Variants in ZDHHC15 observed in about 807,000 individuals in gnomAD.
The protein encoded by ZDHHC15 is zDHHC palmitoyltransferase 15.
In ZDHHC15, 19 loss-of-function variants were observed where a neutral mutation model predicts 31.7. The observed-to-expected ratio is 0.60, with a 90% CI of 0.42 to 0.88. The LOEUF is 0.88. Among genes scored for constraint, ZDHHC15 ranks in the 40% least tolerant of loss-of-function variants. The pLI is 0.00. For missense variants in ZDHHC15, 209 were observed against 251.2 expected (o/e 0.83, Z 1.14); for synonymous variants, 103 against 90.0 (o/e 1.14, Z -0.82).
intron 6 of ZDHHC15, 51 bp downstream of exon 6, chrX:75,429,897 T>C (rs780071775): frequency 8.7e-6 from 10 of 1,151,361 alleles, no homozygotes; most frequent in Non-Finnish European, 1.1e-5. Context: ...GTGCATATAA[T>C]TGAGCAACTT....
chrX:75,493,148 C>A (rs771742083), intron 2 of ZDHHC15, among the ~76,000 whole-genome samples: 5 of 111,883 alleles, frequency 4.5e-5, no homozygotes, highest in Non-Finnish European at 9.4e-5. Context: ...GAGAATACTA[C>A]AAACACCTCT....
chrX:75,451,665 A>G (rs1414206659), intron 3 of ZDHHC15, among the ~76,000 whole-genome samples: 1 of 112,209 alleles, frequency 8.9e-6, no homozygotes, highest in African/African-American at 3.2e-5. Context: ...ATAGAAAATC[A>G]CTTTGCAAAA....
At position 75,379,199 on chromosome X, in the gene ZDHHC15, C is replaced by G; in HGVS notation, c.968-1G>C. The G allele has an allele frequency of 8.3e-7, 1 of 1,210,954 alleles. No individual in the cohort carries two copies. The highest frequency in any genetic ancestry group is 1.1e-6 in the Non-Finnish European group (1 of 895,067). ...AGAGATGATGAGCCTTCTGGATAAT[C>G]TGCAAGGTTGAAACGTGAAGATGAT... On this transcript the variant is annotated splice_acceptor_variant, in intron 10 of 11. Coordinates refer to ENST00000373367, the MANE Select transcript of ZDHHC15 (RefSeq NM_144969.3). LOFTEE classifies it high-confidence loss of function.
chrX:75,472,044 G>C (rs965217913), intron 3 of ZDHHC15, among the ~76,000 whole-genome samples: 5 of 111,867 alleles, frequency 4.5e-5, no homozygotes, highest in African/African-American at 1.3e-4. Flanking sequence ...CCATAAAGTT[G>C]GTTGTGCACA....
At chrX:75,445,231 T>C (rs1166848383) in intron 4 of ZDHHC15, among the ~76,000 whole-genome samples, 2 of 111,096 alleles carry the variant, frequency 1.8e-5, no homozygotes, top group Non-Finnish European at 3.8e-5. Flanking sequence ...TAGGAATGAG[T>C]TTTTCTGAAT....
chrX:75,475,419 T>C (rs764237903), intron 3 of ZDHHC15, among the ~76,000 whole-genome samples: 1 of 111,952 alleles, frequency 8.9e-6, no homozygotes, highest in Admixed American at 9.5e-5. Flanking sequence ...GTAAAGGTTC[T>C]ACGTCATTAT....
chrX:75,464,450 A>G (rs1341232232), intron 3 of ZDHHC15, among the ~76,000 whole-genome samples: 1 of 111,490 alleles, frequency 9.0e-6, no homozygotes, highest in East Asian at 2.8e-4. Context: ...AAAATAAAAT[A>G]AAAAATAAAC....
intron 4 of ZDHHC15, among the ~76,000 whole-genome samples, chrX:75,446,559 G>C (rs1023970189): frequency 2.7e-5 from 3 of 112,206 alleles, no homozygotes; most frequent in Non-Finnish European, 5.6e-5. Context: ...TATCTTGTGT[G>C]AACACTCACT....
In ZDHHC15 at chrX:75,516,074, T is replaced by G. The variant is rs753649804; in HGVS notation, c.136+6815A>C. ...GGAGAACTACAAACCACTGCTCAAT[T>G]AAATAAAAGAGGACACAAACAAATG... is the stretch of plus-strand genomic sequence containing the variant. On this transcript the variant is annotated intron_variant, in intron 1 of 11. Coordinates refer to ENST00000373367, the MANE Select transcript of ZDHHC15 (RefSeq NM_144969.3). Among the ~76,000 whole-genome samples, 17 of 110,808 alleles carry G rather than the reference T, an allele frequency of 1.5e-4. No homozygotes were observed. In the East Asian group the frequency reaches 2.8e-3, roughly 18 times the overall value.
rs1293494539 is a variant in ZDHHC15 at position 75,521,042 on chromosome X, C to T, written c.136+1847G>A. On this transcript the variant is annotated intron_variant, in intron 1 of 11. Transcript: ENST00000373367. The stretch of plus-strand genomic sequence containing the variant: ...GAAAATTACAAATGGAGTCAGGTCC[C>T]GGAGTTCAAAAAAGCAGCATCCTTA... Among the ~76,000 whole-genome samples the T allele has an allele frequency of 5.4e-5, 6 of 110,494 alleles. No individual in the cohort carries two copies. In the South Asian group the frequency reaches 1.2e-3, roughly 22 times the overall value.
intron 2 of ZDHHC15, among the ~76,000 whole-genome samples, chrX:75,480,702 C>T (rs1049477715): frequency 1.7e-4 from 19 of 111,195 alleles, no homozygotes; most frequent in Non-Finnish European, 3.6e-4. Flanking sequence ...TTCTTTTTCA[C>T]TTACTATAAG....
intron 11 of ZDHHC15, 62 bp from the exon 12 acceptor site, chrX:75,373,007 C>T (rs1467087200): frequency 1.8e-5 from 2 of 111,682 alleles, no homozygotes; most frequent in Admixed American, 9.5e-5. Flanking sequence ...CATGTGGTAA[C>T]ACCCACTTGA....
intron 3 of ZDHHC15, among the ~76,000 whole-genome samples, chrX:75,463,798 G>A (rs1392702032): frequency 9.0e-6 from 1 of 110,800 alleles, no homozygotes; most frequent in African/African-American, 3.3e-5. Flanking sequence ...AACAACAGGA[G>A]GGATGTGGAG....
intron 3 of ZDHHC15, among the ~76,000 whole-genome samples, chrX:75,463,174 G>T (rs2084346927): frequency 9.1e-6 from 1 of 110,291 alleles, no homozygotes; most frequent in Non-Finnish European, 1.9e-5. Flanking sequence ...ATAAATTCCG[G>T]GGTACATACA....
chrX:75,487,149 TACAAC>T (rs2084791181), intron 2 of ZDHHC15, among the ~76,000 whole-genome samples: 1 of 111,954 alleles, frequency 8.9e-6, no homozygotes, highest in Non-Finnish European at 1.9e-5. Context: ...TTCCATGTCC[TACAAC>T]ACCCTGGCTA....
intron 11 of ZDHHC15, among the ~76,000 whole-genome samples, chrX:75,375,946 G>T (rs140606845): frequency 0.013 from 1,398 of 111,588 alleles, 20 homozygotes; most frequent in African/African-American, 0.044. Context: ...TTGCTGGGTG[G>T]CATGGCAGTT....
At chrX:75,373,827 G>T (rs1218127465) in intron 11 of ZDHHC15, among the ~76,000 whole-genome samples, 2 of 105,799 alleles carry the variant, frequency 1.9e-5, no homozygotes, top group Non-Finnish European at 3.9e-5. Flanking sequence ...CAACAATCCA[G>T]TTATACTTTT....
At chrX:75,392,873 CCTT>C (rs1362201079) in intron 10 of ZDHHC15, among the ~76,000 whole-genome samples, 5 of 110,739 alleles carry the variant, frequency 4.5e-5, no homozygotes, top group Non-Finnish European at 7.6e-5. Context: ...CTGACGACTA[CCTT>C]CTTCTACTAC....
chrX:75,515,541 T>C (rs1384297202), intron 1 of ZDHHC15, among the ~76,000 whole-genome samples: 1 of 111,857 alleles, frequency 8.9e-6, no homozygotes, highest in Non-Finnish European at 1.9e-5. Flanking sequence ...CAGCCCTTCA[T>C]TCTAAAAACT....
Sources: allele counts gnomAD v4.1 joint callset (sites outside exome capture counted in the v4.1 genomes callset), GRCh38; gene constraint gnomAD v4.1.1; transcripts MANE v1.5; gene names NCBI Gene and HGNC (gene_info 2026-07-23, HGNC 2026-07-21).